The following ERICH6B variants were observed in gnomAD, a reference collection of about 807,000 sequenced individuals.
ERICH6B encodes glutamate-rich protein 6B.
In ERICH6B, 69 loss-of-function variants were observed where a neutral mutation model predicts 80.0. The ratio of observed to expected loss-of-function variants is 0.86; its 90% CI spans 0.71 to 1.05. The LOEUF is 1.05. ERICH6B is among the 50% of genes least tolerant of loss of function. The pLI is 0.00. For missense variants in ERICH6B, 754 were observed against 796.1 expected (o/e 0.95, Z 0.64); for synonymous variants, 283 against 291.9 (o/e 0.97, Z 0.31).
At chr13:45,578,100 A>T (rs1399298042) in intron 7 of ERICH6B, among the ~76,000 whole-genome samples, 1 of 152,194 alleles carries the variant, frequency 6.6e-6, no homozygotes, top group Non-Finnish European at 1.5e-5. Context: ...AACCCTGCTA[A>T]GTTGGTTTAA....
chr13:45,567,114 C>T (rs1302919740), intron 9 of ERICH6B, among the ~76,000 whole-genome samples: 4 of 152,188 alleles, frequency 2.6e-5, no homozygotes, highest in African/African-American at 7.2e-5. Context: ...GTAGCCCCTT[C>T]GTTTTGGCCA....
In ERICH6B at chr13:45,544,792, G is replaced by C. The variant is rs867618281; in HGVS notation, c.1840C>G (p.Gln614Glu). 1 of 1,551,700 alleles carries C rather than the reference G, an allele frequency of 6.4e-7. No homozygotes were observed. Among genetic ancestry groups the C allele is most frequent in the South Asian group, 1.2e-5 (1 of 84,064 alleles). ...CTGGTGCCCAGGTTTAAACAAATCT[G>C]CTTCTGTTCATAGGTGAAGCAGAAG... ...IIFCFTYEQK[Q>E]ICLNLGTRYK... is the part of the protein sequence containing the mutation. The change falls in exon 14 of 15, where the codon CAG (glutamine) becomes GAG (glutamate). Residue 614 changes from glutamine to glutamate, a missense_variant. Gln to Glu is a conservative substitution (Grantham distance 29). Coordinates refer to ENST00000298738, the MANE Select transcript of ERICH6B (RefSeq NM_182542.3).
chr13:45,592,205 C>A (rs1023457644), intron 3 of ERICH6B, among the ~76,000 whole-genome samples: 4 of 152,178 alleles, frequency 2.6e-5, no homozygotes, highest in Admixed American at 6.5e-5. Flanking sequence ...GTACCCTATG[C>A]CATCAGACTA....
At chr13:45,609,277 C>A (rs1379246156) in intron 1 of ERICH6B, among the ~76,000 whole-genome samples, 1 of 152,210 alleles carries the variant, frequency 6.6e-6, no homozygotes, top group Admixed American at 6.5e-5. Flanking sequence ...TCTGGAAATC[C>A]TCCTTCCCTT....
At chr13:45,556,220 G>A (rs1181344005) in intron 11 of ERICH6B, among the ~76,000 whole-genome samples, 1 of 151,938 alleles carries the variant, frequency 6.6e-6, no homozygotes, top group Non-Finnish European at 1.5e-5. Flanking sequence ...TAAGCTCCAT[G>A]GGAGAGAAGG....
intron 11 of ERICH6B, among the ~76,000 whole-genome samples, chr13:45,555,201 G>C (rs1191173899): frequency 6.6e-6 from 1 of 152,170 alleles, no homozygotes; most frequent in South Asian, 2.1e-4. Flanking sequence ...GCCAAGTAAG[G>C]TTTCTTTTAT....
intron 8 of ERICH6B, among the ~76,000 whole-genome samples, chr13:45,570,013 ATGTC>A (rs1875085281): frequency 6.6e-6 from 1 of 152,294 alleles, no homozygotes; most frequent in African/African-American, 2.4e-5. Flanking sequence ...AGAAAACAGA[ATGTC>A]TGTTGTGGTC....
intron 1 of ERICH6B, among the ~76,000 whole-genome samples, chr13:45,613,137 T>TAAGTGCAGAATATAG (rs1566310061): frequency 1.3e-5 from 2 of 152,066 alleles, no homozygotes; most frequent in African/African-American, 4.8e-5. Flanking sequence ...TATGTCCTTG[T>TAAGTGCAGAATATAG]TCAAAGAGCG....
In ERICH6B at chr13:45,549,820, A is replaced by G. The variant is rs902694757; in HGVS notation, c.1646+73T>C. 1.7e-5 allele frequency: 25 copies of G among 1,451,262 alleles called. No homozygotes were observed. The African/African-American group carries it at 2.4e-4, about 14-fold the overall frequency. 89.9% of individuals were successfully genotyped at this position (1,451,262 alleles called of 1,614,324 possible). A position where few individuals can be genotyped will look rare whatever the true frequency, so the allele number is the denominator to read the frequency against. On this transcript the variant is annotated intron_variant, in intron 13 of 14. Coordinates refer to ENST00000298738, the MANE Select transcript of ERICH6B (RefSeq NM_182542.3). ...TCTGAGACAGGGAGGAAGTTCATACAGTCTGGGAGTCACGCTTTTTCCAGC... is the reference window on the plus strand; with the variant it reads ...TCTGAGACAGGGAGGAAGTTCATACGGTCTGGGAGTCACGCTTTTTCCAGC...
intron 7 of ERICH6B, among the ~76,000 whole-genome samples, chr13:45,576,741 G>A (rs1458675146): frequency 6.6e-6 from 1 of 152,034 alleles, no homozygotes; most frequent in African/African-American, 2.4e-5. Flanking sequence ...TGCATAATGT[G>A]AGCTGGTACA....
chr13:45,577,417 A>G (rs758949927), intron 7 of ERICH6B, among the ~76,000 whole-genome samples: 48 of 149,452 alleles, frequency 3.2e-4, no homozygotes, highest in Non-Finnish European at 5.9e-4. Context: ...CCAAGTAGCT[A>G]GGATTACAGG....
At chr13:45,566,996 C>T (rs1003972286) in intron 9 of ERICH6B, among the ~76,000 whole-genome samples, 2 of 152,232 alleles carry the variant, frequency 1.3e-5, no homozygotes, top group African/African-American at 2.4e-5. Context: ...GGGAACGCAC[C>T]TCTTGCATTA....
intron 8 of ERICH6B, among the ~76,000 whole-genome samples, chr13:45,574,438 T>C (rs1875295280): frequency 2.0e-5 from 3 of 152,216 alleles, no homozygotes; most frequent in Admixed American, 2.0e-4. Flanking sequence ...CCTCTGGTGA[T>C]TGGGAACAGC....
Position 45,553,691 on chromosome 13 carries a change from G to A in ERICH6B, c.1408-3375C>T, listed in dbSNP as rs61185923. On this transcript the variant is annotated intron_variant, in intron 11 of 14. Coordinates refer to ENST00000298738, the MANE Select transcript of ERICH6B (RefSeq NM_182542.3). The stretch of plus-strand genomic sequence containing the variant: ...AAGTTATCTAGTTAGAAGAGAGCCA[G>A]GCTCCAGCAATCTGACCCCCAAGCT... Among the ~76,000 whole-genome samples, 792 of 152,224 alleles carry A rather than the reference G, an allele frequency of 5.2e-3. 7 individuals carry two copies. Among genetic ancestry groups the A allele is most frequent in the African/African-American group, 0.018 (752 of 41,536 alleles).
chr13:45,572,259 G>T (rs1332627688), intron 8 of ERICH6B, among the ~76,000 whole-genome samples: 1 of 152,160 alleles, frequency 6.6e-6, no homozygotes, highest in Non-Finnish European at 1.5e-5. Context: ...TGGCAGCTGT[G>T]CTGGGCACTG....
intron 5 of ERICH6B, among the ~76,000 whole-genome samples, chr13:45,584,735 G>A (rs972047436): frequency 1.3e-5 from 2 of 152,214 alleles, no homozygotes; most frequent in South Asian, 2.1e-4. Flanking sequence ...TGACTCCTGC[G>A]GGCCTCAGCT....
chr13:45,587,801 G>A (rs1446512763), intron 4 of ERICH6B, among the ~76,000 whole-genome samples: 1 of 152,180 alleles, frequency 6.6e-6, no homozygotes, highest in African/African-American at 2.4e-5. Flanking sequence ...CCCACACTAT[G>A]TTCTTTCTCA....
At chr13:45,583,494 C>T (rs996315399) in intron 5 of ERICH6B, among the ~76,000 whole-genome samples, 3 of 152,344 alleles carry the variant, frequency 2.0e-5, no homozygotes, top group Non-Finnish European at 2.9e-5. Context: ...TCTGAGTCCA[C>T]TGAAGGAAGC....
chr13:45,575,632 G>T (rs529630274), intron 7 of ERICH6B, among the ~76,000 whole-genome samples: 1 of 152,136 alleles, frequency 6.6e-6, no homozygotes, highest in South Asian at 2.1e-4. Context: ...CTAGAATTGC[G>T]TATGATTCAT....
Sources: gnomAD v4.1 joint callset for allele counts (sites outside exome capture counted in the v4.1 genomes callset) on GRCh38, gnomAD v4.1.1 for gene constraint, MANE v1.5 for transcripts, NCBI Gene and HGNC (gene_info 2026-07-23, HGNC 2026-07-21) for gene names.